The following CFAP210 variants were observed in gnomAD, a reference collection of about 807,000 sequenced individuals.
CFAP210 encodes the protein cilia and flagella associated protein 210.
At chr2:169,683,758 T>A in the CFAP210 span, among the ~76,000 whole-genome samples, 68 of 152,242 alleles carry the variant, frequency 4.5e-4, no homozygotes, top group African/African-American at 1.5e-3. Context: ...TTTAGTAGAG[T>A]TAACTGTTCA....
the CFAP210 span, chr2:169,694,320 G>A: frequency 1.2e-6 from 2 of 1,614,040 alleles, no homozygotes; most frequent in Non-Finnish European, 1.7e-6. Flanking sequence ...CTCTGACGAG[G>A]TGTCCATGAT....
At chr2:169,654,781 A>C in the CFAP210 span, among the ~76,000 whole-genome samples, 1 of 151,452 alleles carries the variant, frequency 6.6e-6, no homozygotes, top group Non-Finnish European at 1.5e-5. Context: ...AAATACACCA[A>C]ATATATATAT....
the CFAP210 span, among the ~76,000 whole-genome samples, chr2:169,663,273 CTTT>C: frequency 2.1e-5 from 3 of 145,920 alleles, no homozygotes; most frequent in Non-Finnish European, 4.5e-5. Context: ...CCCTCTCTCT[CTTT>C]TTTTTTTTTT....
chr2:169,684,773 C>T, the CFAP210 span, among the ~76,000 whole-genome samples: 15 of 152,156 alleles, frequency 9.9e-5, no homozygotes, highest in Non-Finnish European at 2.1e-4. Context: ...CCTGCCTAGC[C>T]TCCCAAGTAG....
the CFAP210 span, chr2:169,646,291 CT>C: frequency 1.3e-6 from 1 of 777,870 alleles, no homozygotes; most frequent in Non-Finnish European, 2.1e-6. Context: ...CTCATTGATA[CT>C]TTACAAGTTC....
the CFAP210 span, among the ~76,000 whole-genome samples, chr2:169,690,272 T>C: frequency 2.6e-5 from 4 of 152,248 alleles, no homozygotes; most frequent in African/African-American, 9.6e-5. Flanking sequence ...AGGGTAATAC[T>C]GCCCTTATAG....
chr2:169,654,144 A>C, the CFAP210 span: 3 of 1,601,186 alleles, frequency 1.9e-6, no homozygotes, highest in Non-Finnish European at 2.6e-6. Flanking sequence ...GAATTTTCTC[A>C]TCTTTTCATC....
At chr2:169,685,466 T>C in the CFAP210 span, among the ~76,000 whole-genome samples, 1 of 152,248 alleles carries the variant, frequency 6.6e-6, no homozygotes, top group African/African-American at 2.4e-5. Context: ...TGTCTTTTTA[T>C]TGTTGAGTTG....
At chr2:169,689,696 T>G in the CFAP210 span, among the ~76,000 whole-genome samples, 1 of 152,156 alleles carries the variant, frequency 6.6e-6, no homozygotes, top group Non-Finnish European at 1.5e-5. Context: ...CTGATCAGGG[T>G]TTCAGTCTAT....
chr2:169,686,112 G>T, the CFAP210 span, among the ~76,000 whole-genome samples: 2 of 152,058 alleles, frequency 1.3e-5, no homozygotes, highest in Non-Finnish European at 2.9e-5. Flanking sequence ...TCGAACTCCC[G>T]GTCTCAAGTG....
chr2:169,664,608 G>C, the CFAP210 span, among the ~76,000 whole-genome samples: 1 of 152,166 alleles, frequency 6.6e-6, no homozygotes, highest in Admixed American at 6.5e-5. Flanking sequence ...ACTTGTTGAA[G>C]TAAATTTGAG....
the CFAP210 span, among the ~76,000 whole-genome samples, chr2:169,657,750 G>C: frequency 7.9e-5 from 12 of 151,796 alleles, no homozygotes; most frequent in Non-Finnish European, 1.6e-4. Context: ...AAATAAGAAA[G>C]AAAAGTAAAA....
the CFAP210 span, among the ~76,000 whole-genome samples, chr2:169,673,217 CACGAT>C: frequency 6.6e-6 from 1 of 152,184 alleles, no homozygotes; most frequent in Non-Finnish European, 1.5e-5. Context: ...AAGGAAAAAA[CACGAT>C]GTGGCCCAAA....
the CFAP210 span, among the ~76,000 whole-genome samples, chr2:169,653,029 AATATATATATATATATAT>A: frequency 0.073 from 2,916 of 39,990 alleles, 173 homozygotes; most frequent in South Asian, 0.19. Flanking sequence ...AAAAAAAAAA[AATATATATATATATATAT>A]ATATATATAT....
chr2:169,690,918 C>T, the CFAP210 span, among the ~76,000 whole-genome samples: 3 of 152,036 alleles, frequency 2.0e-5, no homozygotes, highest in Non-Finnish European at 1.5e-5. Flanking sequence ...GATCACTGAG[C>T]CTTTTGATTG....
the CFAP210 span, among the ~76,000 whole-genome samples, chr2:169,691,643 A>T: frequency 2.0e-5 from 3 of 152,308 alleles, no homozygotes; most frequent in Admixed American, 2.0e-4. Context: ...CATTTCAAAG[A>T]CACTTTCTAT....
chr2:169,675,067 G>A, the CFAP210 span: 2 of 1,405,194 alleles, frequency 1.4e-6, no homozygotes, highest in Non-Finnish European at 1.9e-6. Flanking sequence ...ACAATTTTTT[G>A]TTTTCATTTT....
the CFAP210 span, chr2:169,650,475 G>T: frequency 1.5e-5 from 24 of 1,594,706 alleles, no homozygotes; most frequent in Admixed American, 1.8e-5. Context: ...TCTTTCAACA[G>T]TTCACTCAGG....
At chr2:169,662,318 TC>T in the CFAP210 span, 11 of 1,604,430 alleles carry the variant, frequency 6.9e-6, no homozygotes, top group African/African-American at 1.3e-4. Flanking sequence ...TCTTCTCTTT[TC>T]TTTTCTAGTT....
Sources: allele counts gnomAD v4.1 joint callset (sites outside exome capture counted in the v4.1 genomes callset), GRCh38; gene constraint gnomAD v4.1.1; transcripts MANE v1.5; gene names NCBI Gene and HGNC (gene_info 2026-07-23, HGNC 2026-07-21).